RAE1: variants seen among roughly 807,000 people sequenced by gnomAD.
RAE1 encodes ribonucleic acid export 1.
In RAE1, 13 loss-of-function variants were observed where a neutral mutation model predicts 52.7. That is an observed-to-expected ratio of 0.25 (90% CI 0.16 to 0.39). The LOEUF (loss-of-function observed/expected upper bound fraction) is 0.39. RAE1 is among the 10% of genes least tolerant of loss of function. RAE1 has a pLI of 1.00. For missense variants in RAE1, 262 were observed against 459.8 expected (o/e 0.57, Z 3.93); for synonymous variants, 164 against 153.1 (o/e 1.07, Z -0.52).
intron 8 of RAE1, chr20:57,372,065 C>G (rs1258690400): frequency 7.1e-6 from 1 of 140,400 alleles, no homozygotes; most frequent in African/African-American, 2.9e-5. Context: ...TTTCATTAAA[C>G]AAGATGAGAA....
chr20:57,358,885 G>A (rs2066843100), intron 4 of RAE1: 2 of 1,166,786 alleles, frequency 1.7e-6, no homozygotes, highest in Middle Eastern at 3.1e-4. Flanking sequence ...AGGGATAGGA[G>A]GCTAGGGCCT....
intron 1 of RAE1, among the ~76,000 whole-genome samples, chr20:57,352,798 C>T (rs558662140): frequency 1.2e-4 from 18 of 152,304 alleles, no homozygotes; most frequent in Admixed American, 3.9e-4. Flanking sequence ...GGTTAAGTGA[C>T]CCGTCCAAAG....
At chr20:57,373,366 T>C (rs1344338012) in intron 8 of RAE1, 109 bp from the exon 9 acceptor site, 1 of 1,023,340 alleles carries the variant, frequency 9.8e-7, no homozygotes, top group Non-Finnish European at 1.5e-6. Flanking sequence ...GAGTGATTTT[T>C]TCTGGTTCTT....
At position 57,352,049 on chromosome 20, in the gene RAE1, A is replaced by C. The variant is rs568256664; in HGVS notation, c.-8+627A>C. On this transcript the variant is annotated intron_variant, in intron 1 of 11. Coordinates refer to ENST00000395841, the MANE Select transcript of RAE1 (RefSeq NM_003610.4). ...GCATTCTGGGGGGGAAGAGATTTTG[A>C]GTGTAAACAAGAAATTCCAGGGGAT... The C allele has an allele frequency of 1.0e-5, 9 of 894,896 alleles. No individual in the cohort carries two copies. The South Asian group carries it at 4.1e-4, about 41-fold the overall frequency. The allele number at this position is 894,896 out of a possible 1,614,324, so 55.4% of individuals were successfully genotyped here.
chr20:57,363,432 G>A, intron 4 of RAE1, among the ~76,000 whole-genome samples: 1 of 152,136 alleles, frequency 6.6e-6, no homozygotes, highest in East Asian at 1.9e-4. Flanking sequence ...AGGATCACTT[G>A]ATCCCAGGAG....
At chr20:57,370,839 T>A (rs1327829515) in intron 8 of RAE1, among the ~76,000 whole-genome samples, 1 of 152,206 alleles carries the variant, frequency 6.6e-6, no homozygotes, top group Non-Finnish European at 1.5e-5. Context: ...GGGCCTTAAG[T>A]GTAAAAGGTG....
chr20:57,351,662 C>T (rs2066711094), intron 1 of RAE1: 2 of 985,402 alleles, frequency 2.0e-6, no homozygotes, highest in African/African-American at 1.7e-5. Context: ...GGTCACATTG[C>T]GTTAATGCAG....
intron 8 of RAE1, among the ~76,000 whole-genome samples, chr20:57,370,084 C>T (rs537119978): frequency 1.3e-5 from 2 of 152,304 alleles, no homozygotes; most frequent in South Asian, 4.1e-4. Flanking sequence ...GAAAACACAC[C>T]TCCCTTGATC....
chr20:57,370,758 A>G (rs2067024888), intron 8 of RAE1, among the ~76,000 whole-genome samples: 1 of 152,192 alleles, frequency 6.6e-6, no homozygotes, highest in Non-Finnish European at 1.5e-5. Flanking sequence ...TCTTTTGCCT[A>G]CTAGAATGTA....
chr20:57,357,674 C>T (rs556662176), intron 4 of RAE1: 10 of 152,216 alleles, frequency 6.6e-5, no homozygotes, highest in African/African-American at 1.2e-4. Context: ...GTAGTTAGGG[C>T]ATTTATTATG....
chr20:57,354,254 A>G (rs2066751933), intron 2 of RAE1, 126 bp downstream of exon 2: 2 of 753,156 alleles, frequency 2.7e-6, no homozygotes, highest in South Asian at 1.9e-5. Context: ...TGTCTAACTC[A>G]TGTTTCTGAA....
intron 4 of RAE1, 99 bp from the exon 5 acceptor site, chr20:57,365,257 C>T: frequency 1.3e-6 from 1 of 772,852 alleles, no homozygotes; most frequent in Non-Finnish European, 2.0e-6. Context: ...TAAAGATTGC[C>T]AAAGTTTGCC....
intron 1 of RAE1, chr20:57,351,899 G>A (rs1568774676): frequency 1.0e-6 from 1 of 985,452 alleles, no homozygotes; most frequent in Non-Finnish European, 1.2e-6. Flanking sequence ...AGGTGCCACC[G>A]TACAGGCAGT....
At chr20:57,361,685 A>G (rs568531477) in intron 4 of RAE1, among the ~76,000 whole-genome samples, 106 of 152,356 alleles carry the variant, frequency 7.0e-4, no homozygotes, top group African/African-American at 2.3e-3. Flanking sequence ...GGCTGTTGCC[A>G]TGCTGAGTCA....
intron 11 of RAE1, chr20:57,375,038 C>A: frequency 1.4e-6 from 1 of 706,360 alleles, no homozygotes; most frequent in Non-Finnish European, 2.6e-6. Context: ...TGAGCCATTA[C>A]GGGCTGCTCT....
chr20:57,368,437 G>A (rs1304239409), intron 7 of RAE1, among the ~76,000 whole-genome samples: 1 of 152,072 alleles, frequency 6.6e-6, no homozygotes, highest in Non-Finnish European at 1.5e-5. Flanking sequence ...CTGAAGGAGT[G>A]GTGTAGGGGA....
intron 4 of RAE1, among the ~76,000 whole-genome samples, chr20:57,363,909 C>A (rs1306289899): frequency 6.6e-6 from 1 of 152,178 alleles, no homozygotes; most frequent in Non-Finnish European, 1.5e-5. Flanking sequence ...ATTAAACCTA[C>A]ACGGAAGGAT....
chr20:57,377,866 G>A lies in RAE1; in HGVS notation c.1021-147G>A, dbSNP rs6064538. On this transcript the variant is annotated intron_variant, in intron 11 of 11. Coordinates refer to ENST00000395841, the MANE Select transcript of RAE1 (RefSeq NM_003610.4). ...TCTCTGAGGACTGAAGTTCTGCTTC[G>A]CATTTGACTTTATCTTTGTTGTTTT... is the stretch of plus-strand genomic sequence containing the variant. 7.0e-3 allele frequency: 4,214 copies of A among 605,088 alleles called. 29 individuals carry two copies. Among genetic ancestry groups the A allele is most frequent in the Non-Finnish European group, 9.6e-3 (3,445 of 357,798 alleles). 37.5% of individuals were successfully genotyped at this position (605,088 alleles called of 1,614,324 possible).
chr20:57,354,596 T>G, intron 2 of RAE1, 116 bp from the exon 3 acceptor site: 1 of 643,892 alleles, frequency 1.6e-6, no homozygotes, highest in Non-Finnish European at 2.5e-6. Context: ...AAGGTCTAAT[T>G]CAGTTAGTTC....
Sources: gnomAD v4.1 joint callset for allele counts (sites outside exome capture counted in the v4.1 genomes callset) on GRCh38, gnomAD v4.1.1 for gene constraint, MANE v1.5 for transcripts, NCBI Gene and HGNC (gene_info 2026-07-23, HGNC 2026-07-21) for gene names.